The following BRINP3 variants were observed in gnomAD, a reference collection of about 807,000 sequenced individuals.
BRINP3 encodes the protein BMP/retinoic acid-inducible neural-specific protein 3.
BRINP3 carries 19 observed loss-of-function variants against 71.0 expected under a neutral mutation model. The observed-to-expected ratio is 0.27, with a 90% CI of 0.19 to 0.39. BRINP3 has a LOEUF of 0.39. BRINP3 is among the 10% of genes least tolerant of loss of function. The probability of loss-of-function intolerance (pLI) is 1.00; values close to 1 mark genes in which losing one functional copy is unlikely to be tolerated. For synonymous variants in BRINP3, 380 were observed against 337.7 expected, an observed-to-expected ratio of 1.13 and a Z score of -1.37; for missense variants, 959 against 940.8, an observed-to-expected ratio of 1.02 and a Z score of -0.25.
At chr1:190,380,185 G>C (rs905215993) in intron 2 of BRINP3, among the ~76,000 whole-genome samples, 5 of 151,932 alleles carry the variant, frequency 3.3e-5, no homozygotes, top group African/African-American at 1.2e-4. Context: ...ACTAAGTTTG[G>C]GATATGAGGA....
At chr1:190,163,923 C>A (rs1234508569) in intron 6 of BRINP3, among the ~76,000 whole-genome samples, 1 of 152,012 alleles carries the variant, frequency 6.6e-6, no homozygotes, top group East Asian at 1.9e-4. Flanking sequence ...TTTATTGGAG[C>A]AATTTTATAT....
At position 190,302,262 on chromosome 1, in the gene BRINP3, T is replaced by TTA. The variant is rs970539896; in HGVS notation, c.237-20514_237-20513dup. The stretch of plus-strand genomic sequence containing the variant: ...ATATACATAAATTTATATATATATT[T>TTA]TATATATATATAAATGTATATATAT... On this transcript the variant is annotated intron_variant, in intron 2 of 7. Coordinates refer to ENST00000367462, the MANE Select transcript of BRINP3 (RefSeq NM_199051.3). 2.3e-4 allele frequency among the ~76,000 whole-genome samples: 34 copies of TTA among 147,244 alleles called. 1 individual carries two copies. In the South Asian group the frequency reaches 4.2e-3, roughly 18 times the overall value.
intron 2 of BRINP3, among the ~76,000 whole-genome samples, chr1:190,365,792 A>C (rs1669453385): frequency 8.3e-6 from 1 of 120,690 alleles, no homozygotes; most frequent in Non-Finnish European, 1.7e-5. Context: ...GAAGAGTACA[A>C]TGAGAGAGCA....
chr1:190,350,722 C>T (rs1051000367), intron 2 of BRINP3, among the ~76,000 whole-genome samples: 5 of 151,654 alleles, frequency 3.3e-5, no homozygotes, highest in Admixed American at 1.3e-4. Flanking sequence ...ACCCAAATGA[C>T]ATAGCAGGCA....
chr1:190,226,443 T>C, intron 5 of BRINP3, 125 bp from the exon 6 acceptor site: 1 of 525,010 alleles, frequency 1.9e-6, no homozygotes, highest in Non-Finnish European at 3.2e-6. Context: ...TATGTATTTT[T>C]AAACTATCAG....
intron 2 of BRINP3, among the ~76,000 whole-genome samples, chr1:190,424,658 G>A (rs762312619): frequency 5.3e-5 from 8 of 151,588 alleles, no homozygotes; most frequent in Non-Finnish European, 1.0e-4. Context: ...AAGAAACAGT[G>A]AACAGTAAGA....
chr1:190,390,349 T>C (rs979687562), intron 2 of BRINP3, among the ~76,000 whole-genome samples: 14 of 151,682 alleles, frequency 9.2e-5, no homozygotes, highest in African/African-American at 3.1e-4. Context: ...ATTATAGATA[T>C]TGGTAATGAC....
intron 2 of BRINP3, among the ~76,000 whole-genome samples, chr1:190,443,332 G>A (rs144834201): frequency 0.15 from 23,272 of 151,074 alleles, 1,875 homozygotes; most frequent in South Asian, 0.21. Flanking sequence ...GTGAACCAGG[G>A]AGGCGGAGCT....
intron 6 of BRINP3, among the ~76,000 whole-genome samples, chr1:190,205,510 GC>G (rs1291501382): frequency 6.6e-6 from 1 of 152,026 alleles, no homozygotes; most frequent in African/African-American, 2.4e-5. Context: ...TGGGAGTTGG[GC>G]AAAAGGTGCA....
chr1:190,117,841 T>C (rs1279552954), intron 7 of BRINP3, among the ~76,000 whole-genome samples: 1 of 152,066 alleles, frequency 6.6e-6, no homozygotes, highest in Non-Finnish European at 1.5e-5. Context: ...TTACATCACT[T>C]AAGTCTTTTT....
At chr1:190,391,282 A>G (rs1671235900) in intron 2 of BRINP3, among the ~76,000 whole-genome samples, 2 of 151,812 alleles carry the variant, frequency 1.3e-5, no homozygotes, top group South Asian at 4.1e-4. Flanking sequence ...GACAAGGGAC[A>G]GTATTATGGA....
intron 2 of BRINP3, among the ~76,000 whole-genome samples, chr1:190,283,562 TTA>T (rs1391207340): frequency 1.3e-5 from 2 of 151,316 alleles, no homozygotes; most frequent in African/African-American, 2.4e-5. Context: ...CAATAAATTT[TTA>T]TGTTAGTCAC....
At chr1:190,357,299 G>A (rs1368163842) in intron 2 of BRINP3, among the ~76,000 whole-genome samples, 1 of 151,936 alleles carries the variant, frequency 6.6e-6, no homozygotes, top group African/African-American at 2.4e-5. Flanking sequence ...TGATGTTTGT[G>A]CCTACAAAGG....
chr1:190,350,676 T>G (rs925751140), intron 2 of BRINP3, among the ~76,000 whole-genome samples: 3 of 152,112 alleles, frequency 2.0e-5, no homozygotes, highest in African/African-American at 7.2e-5. Flanking sequence ...CTTTTCTTAA[T>G]AGTTTAGAAA....
chr1:190,404,080 G>A (rs1672110509), intron 2 of BRINP3, among the ~76,000 whole-genome samples: 2 of 152,160 alleles, frequency 1.3e-5, no homozygotes. Flanking sequence ...AACCTGAGCA[G>A]GAGGAAAGTT....
intron 2 of BRINP3, among the ~76,000 whole-genome samples, chr1:190,314,125 T>TA (rs577054917): frequency 6.6e-6 from 1 of 152,002 alleles, no homozygotes; most frequent in African/African-American, 2.4e-5. Flanking sequence ...ATTTTGAGAT[T>TA]AAAAAAATAC....
At chr1:190,342,332 G>A (rs1007641242) in intron 2 of BRINP3, 5 of 146,764 alleles carry the variant, frequency 3.4e-5, no homozygotes, top group African/African-American at 1.3e-4. Context: ...ACATTTGGGG[G>A]GCCACTATTC....
chr1:190,108,452 A>G (rs1652381509), intron 7 of BRINP3, among the ~76,000 whole-genome samples: 1 of 151,824 alleles, frequency 6.6e-6, no homozygotes, highest in African/African-American at 2.4e-5. Context: ...TAGAAACAGT[A>G]AAATGTGGTC....
chr1:190,253,634 T>C (rs1660362962), intron 4 of BRINP3, among the ~76,000 whole-genome samples: 1 of 152,190 alleles, frequency 6.6e-6, no homozygotes, highest in Non-Finnish European at 1.5e-5. Context: ...TTGCTTTTTT[T>C]CTTGCAAATT....
Sources: gnomAD v4.1 joint callset for allele counts (sites outside exome capture counted in the v4.1 genomes callset) on GRCh38, gnomAD v4.1.1 for gene constraint, MANE v1.5 for transcripts, NCBI Gene and HGNC (gene_info 2026-07-23, HGNC 2026-07-21) for gene names.